KCNMA1: variants seen among roughly 807,000 people sequenced by gnomAD.
KCNMA1 encodes potassium calcium-activated channel subfamily M alpha 1.
KCNMA1 carries 29 observed loss-of-function variants against 140.0 expected under a neutral mutation model. That is an observed-to-expected ratio of 0.21 (90% confidence interval 0.15 to 0.28). The LOEUF is 0.28. Ranked by LOEUF, KCNMA1 falls within the 10% of genes least tolerant of loss-of-function variation. The pLI, the probability that KCNMA1 is intolerant of heterozygous loss-of-function variation, is 1.00. For synonymous variants in KCNMA1, 612 were observed against 611.9 expected (o/e 1.00, Z 0.00); for missense variants, 880 against 1,602.2 (o/e 0.55, Z 7.70).
intron 5 of KCNMA1, among the ~76,000 whole-genome samples, chr10:77,163,937 G>T (rs970362727): frequency 2.0e-5 from 3 of 152,136 alleles, no homozygotes; most frequent in Non-Finnish European, 4.4e-5. Flanking sequence ...GACACTCAGG[G>T]CATCACTGTT....
chr10:77,567,899 C>G (rs2068964170), intron 1 of KCNMA1, among the ~76,000 whole-genome samples: 1 of 152,190 alleles, frequency 6.6e-6, no homozygotes, highest in Non-Finnish European at 1.5e-5. Context: ...CAACACTAGC[C>G]TGGCCAACAT....
At chr10:77,134,321 C>A (rs770338121) in intron 5 of KCNMA1, among the ~76,000 whole-genome samples, 2 of 151,936 alleles carry the variant, frequency 1.3e-5, no homozygotes, top group Non-Finnish European at 2.9e-5. Flanking sequence ...AGGATAAATT[C>A]TTTGTAATGT....
chr10:77,543,229 G>A (rs2060609564), intron 1 of KCNMA1, among the ~76,000 whole-genome samples: 1 of 152,116 alleles, frequency 6.6e-6, no homozygotes, highest in Non-Finnish European at 1.5e-5. Context: ...CTACCCAAAG[G>A]AGCACACAGC....
chr10:76,934,346 G>GT (rs1565005365), intron 23 of KCNMA1, among the ~76,000 whole-genome samples: 1 of 152,184 alleles, frequency 6.6e-6, no homozygotes, highest in Non-Finnish European at 1.5e-5. Context: ...AAGAAGTAAA[G>GT]TTTTTAAGAC....
intron 1 of KCNMA1, among the ~76,000 whole-genome samples, chr10:77,436,907 G>C (rs571892152): frequency 2.0e-5 from 3 of 151,970 alleles, no homozygotes; most frequent in Non-Finnish European, 4.4e-5. Flanking sequence ...AGGCTAGCAA[G>C]GGAGGGGATT....
chr10:77,067,628 A>G (rs996292077), intron 14 of KCNMA1, among the ~76,000 whole-genome samples: 2 of 152,132 alleles, frequency 1.3e-5, no homozygotes, highest in Non-Finnish European at 2.9e-5. Context: ...TTAGACTCCA[A>G]TTAGTTTCAC....
intron 1 of KCNMA1, among the ~76,000 whole-genome samples, chr10:77,407,069 T>C (rs779102799): frequency 3.9e-5 from 6 of 152,198 alleles, no homozygotes; most frequent in Non-Finnish European, 5.9e-5. Flanking sequence ...AAGGCATTCA[T>C]TATTTTAATT....
chr10:77,221,096 G>A (rs185433445), intron 3 of KCNMA1, among the ~76,000 whole-genome samples: 8 of 152,316 alleles, frequency 5.3e-5, no homozygotes, highest in African/African-American at 1.4e-4. Flanking sequence ...AGCCAAGTCC[G>A]TAGGGTCTTA....
chr10:77,268,671 A>C (rs1357395895), intron 2 of KCNMA1, among the ~76,000 whole-genome samples: 1 of 152,156 alleles, frequency 6.6e-6, no homozygotes, highest in African/African-American at 2.4e-5. Flanking sequence ...CTCTGATCCC[A>C]TACTGAACTC....
chr10:77,242,444 T>C (rs1464465253), intron 3 of KCNMA1, among the ~76,000 whole-genome samples: 3 of 152,190 alleles, frequency 2.0e-5, no homozygotes, highest in African/African-American at 4.8e-5. Context: ...CTGAGTTTTC[T>C]GTCTATTCAA....
chr10:77,328,743 A>T (rs1350587098), intron 2 of KCNMA1, among the ~76,000 whole-genome samples: 1 of 152,252 alleles, frequency 6.6e-6, no homozygotes, highest in Non-Finnish European at 1.5e-5. Flanking sequence ...CTTCTGAGAC[A>T]TTTCCAAGGA....
At chr10:77,602,318 G>C (rs76451232) in intron 1 of KCNMA1, among the ~76,000 whole-genome samples, 6,568 of 152,216 alleles carry the variant, frequency 0.043, 431 homozygotes, top group African/African-American at 0.15. Context: ...GCCACCTATT[G>C]TATGAGCACA....
chr10:77,022,700 A>C (rs145441108), intron 16 of KCNMA1, among the ~76,000 whole-genome samples: 136 of 152,326 alleles, frequency 8.9e-4, no homozygotes, highest in African/African-American at 3.0e-3. Context: ...TTGTTGAATG[A>C]ATAAAAAAAA....
At chr10:76,881,919 G>A (rs1323046927), downstream of KCNMA1, among the ~76,000 whole-genome samples, 1 of 152,170 alleles carries the variant, frequency 6.6e-6, no homozygotes. Flanking sequence ...GTGACTCTGT[G>A]CCTCTGAAAT....
chr10:77,019,372 T>C, intron 16 of KCNMA1: 1 of 450,338 alleles, frequency 2.2e-6, no homozygotes, highest in Non-Finnish European at 4.1e-6. Flanking sequence ...GTTTATATAA[T>C]GGAGCAGTCT....
intron 2 of KCNMA1, among the ~76,000 whole-genome samples, chr10:77,254,977 C>A (rs948474383): frequency 2.6e-5 from 4 of 152,184 alleles, no homozygotes; most frequent in African/African-American, 9.7e-5. Flanking sequence ...CAGTGTGATA[C>A]ACAGATAATT....
At chr10:77,328,721 G>T (rs1355752219) in intron 2 of KCNMA1, among the ~76,000 whole-genome samples, 2 of 152,110 alleles carry the variant, frequency 1.3e-5, no homozygotes, top group Non-Finnish European at 2.9e-5. Context: ...AAACATATAT[G>T]GGAGGTCATG....
chr10:77,117,539 C>CAAAAAAAAAAAAAAAAAAAAAAAAAAAA (rs56926398), intron 6 of KCNMA1, among the ~76,000 whole-genome samples: 23 of 22,510 alleles, frequency 1.0e-3, no homozygotes, highest in Non-Finnish European at 1.5e-3. Flanking sequence ...GAGTCTATCT[C>CAAAAAAAAAAAAAAAAAAAAAAAAAAAA]AAAAAAAAAA....
intron 2 of KCNMA1, among the ~76,000 whole-genome samples, chr10:77,400,965 C>T (rs140996311): frequency 8.6e-5 from 13 of 151,666 alleles, no homozygotes; most frequent in Non-Finnish European, 1.9e-4. Flanking sequence ...CAGTGCAGAC[C>T]GTGCCCCACC....
Sources: gnomAD v4.1 joint callset for allele counts (sites outside exome capture counted in the v4.1 genomes callset) on GRCh38, gnomAD v4.1.1 for gene constraint, MANE v1.5 for transcripts, NCBI Gene and HGNC (gene_info 2026-07-23, HGNC 2026-07-21) for gene names.